The following ERI1 variants were observed in gnomAD, a reference collection of about 807,000 sequenced individuals.
ERI1 encodes exoribonuclease 1, also known as 3'-5' exoribonuclease 1.
ERI1 carries 39 observed loss-of-function variants against 39.7 expected under a neutral mutation model. The observed-to-expected ratio is 0.98, with a 90% CI of 0.76 to 1.28. ERI1 has a LOEUF of 1.28. Ranked by LOEUF, ERI1 falls within the 50% of genes most tolerant of loss-of-function variation. The pLI, the probability that ERI1 is intolerant of heterozygous loss-of-function variation, is 0.00. For missense variants in ERI1, 581 were observed against 416.9 expected (o/e 1.39, Z -3.43); for synonymous variants, 204 against 149.6 (o/e 1.36, Z -2.65).
intron 3 of ERI1, among the ~76,000 whole-genome samples, chr8:9,087,119 G>A (rs62494391): frequency 1.3e-5 from 2 of 151,910 alleles, no homozygotes; most frequent in African/African-American, 4.8e-5. Context: ...TGCCATGGTG[G>A]TTTGCTGCAC....
At chr8:9,042,449 C>T (rs1011933000) in intron 3 of ERI1, among the ~76,000 whole-genome samples, 12 of 152,158 alleles carry the variant, frequency 7.9e-5, no homozygotes, top group South Asian at 2.1e-4. Flanking sequence ...TCAACTGCTA[C>T]GCCCTCTCCC....
chr8:9,025,579 T>G (rs538679830), intron 6 of ERI1, among the ~76,000 whole-genome samples: 3 of 152,340 alleles, frequency 2.0e-5, no homozygotes, highest in Non-Finnish European at 2.9e-5. Context: ...GAGGTTGGTT[T>G]GTTCTTTGTC....
chr8:9,006,022 A>T (rs892224453), intron 1 of ERI1, among the ~76,000 whole-genome samples: 2 of 152,214 alleles, frequency 1.3e-5, no homozygotes, highest in Non-Finnish European at 2.9e-5. Context: ...TATGGTCCGT[A>T]TTATATGTGA....
intron 3 of ERI1, among the ~76,000 whole-genome samples, chr8:9,084,399 G>A (rs111975948): frequency 0.021 from 3,195 of 152,186 alleles, 46 homozygotes; most frequent in Middle Eastern, 0.058. Flanking sequence ...TTCTTTGCCC[G>A]TAGTGGAATT....
chr8:9,070,291 A>G (rs769467075), intron 3 of ERI1, among the ~76,000 whole-genome samples: 2 of 152,048 alleles, frequency 1.3e-5, no homozygotes, highest in African/African-American at 4.8e-5. Context: ...AAAAATAACA[A>G]AAATAAAAAA....
chr8:9,017,560 A>G (rs1053693666), intron 4 of ERI1, among the ~76,000 whole-genome samples: 3 of 152,186 alleles, frequency 2.0e-5, no homozygotes, highest in Non-Finnish European at 2.9e-5. Context: ...GTGGACATCT[A>G]TGAAAAGGGC....
At chr8:9,084,228 G>A (rs921456938) in intron 3 of ERI1, among the ~76,000 whole-genome samples, 2 of 152,086 alleles carry the variant, frequency 1.3e-5, no homozygotes, top group Non-Finnish European at 2.9e-5. Flanking sequence ...TGGCATTACT[G>A]CTTTCCAGCC....
chr8:9,082,791 A>G (rs1225688243), intron 3 of ERI1, among the ~76,000 whole-genome samples: 1 of 152,186 alleles, frequency 6.6e-6, no homozygotes, highest in East Asian at 1.9e-4. Flanking sequence ...AAACATAGAG[A>G]AAGTGAATGA....
intron 3 of ERI1, among the ~76,000 whole-genome samples, chr8:9,092,427 G>T (rs187830942): frequency 7.8e-4 from 118 of 152,256 alleles, no homozygotes; most frequent in Admixed American, 3.1e-3. Flanking sequence ...AGTCTGGGCT[G>T]GAATGAGCAA....
At chr8:9,021,659 C>T (rs1177417931) in intron 6 of ERI1, among the ~76,000 whole-genome samples, 1 of 151,288 alleles carries the variant, frequency 6.6e-6, no homozygotes, top group African/African-American at 2.4e-5. Flanking sequence ...TAATCATTTT[C>T]TTATTATTCC....
chr8:9,058,574 T>A (rs1358500746), intron 3 of ERI1, among the ~76,000 whole-genome samples: 1 of 152,212 alleles, frequency 6.6e-6, no homozygotes, highest in Non-Finnish European at 1.5e-5. Context: ...TCTCTACACG[T>A]TTAGAGGAAC....
chr8:9,008,420 T>C (rs980004201), intron 2 of ERI1, among the ~76,000 whole-genome samples: 4 of 152,202 alleles, frequency 2.6e-5, no homozygotes, highest in African/African-American at 9.6e-5. Flanking sequence ...AAGAGTGTTT[T>C]AAATTTTTTT....
At chr8:9,018,676 C>A (rs1325060868) in intron 5 of ERI1, among the ~76,000 whole-genome samples, 1 of 152,166 alleles carries the variant, frequency 6.6e-6, no homozygotes, top group African/African-American at 2.4e-5. Flanking sequence ...ATGACACTTC[C>A]TTACTCAAAA....
intron 1 of ERI1, among the ~76,000 whole-genome samples, chr8:9,005,551 G>C (rs911814841): frequency 7.5e-6 from 1 of 132,676 alleles, no homozygotes; most frequent in African/African-American, 2.9e-5. Flanking sequence ...GTCTCTCTCT[G>C]TTGCCCAGGC....
intron 3 of ERI1, among the ~76,000 whole-genome samples, chr8:9,041,576 C>A (rs1199519014): frequency 6.6e-6 from 1 of 152,162 alleles, no homozygotes; most frequent in South Asian, 2.1e-4. Flanking sequence ...CAACATGCTC[C>A]TGAATGATCA....
chr8:9,043,733 G>A (rs13263480), intron 3 of ERI1, among the ~76,000 whole-genome samples: 22,138 of 152,108 alleles, frequency 0.15, 1,780 homozygotes, highest in African/African-American at 0.19. Flanking sequence ...TTTTATTTTC[G>A]TTGGAGACAG....
chr8:9,085,007 C>T (rs1363182446), intron 3 of ERI1, among the ~76,000 whole-genome samples: 1 of 152,152 alleles, frequency 6.6e-6, no homozygotes, highest in Non-Finnish European at 1.5e-5. Flanking sequence ...CAACCAACAG[C>T]ATCAACATCA....
At chr8:9,020,841 C>A (rs1222790630) in intron 6 of ERI1, among the ~76,000 whole-genome samples, 1 of 152,178 alleles carries the variant, frequency 6.6e-6, no homozygotes, top group Non-Finnish European at 1.5e-5. Flanking sequence ...GAATGGCAGT[C>A]TTCTGCCATA....
intron 3 of ERI1, among the ~76,000 whole-genome samples, chr8:9,065,538 A>C (rs1798844714): frequency 6.6e-6 from 1 of 151,962 alleles, no homozygotes; most frequent in Admixed American, 6.6e-5. Flanking sequence ...TACTAAAAAT[A>C]CAAAAAATTA....
Sources: gnomAD v4.1 joint callset for allele counts (sites outside exome capture counted in the v4.1 genomes callset) on GRCh38, gnomAD v4.1.1 for gene constraint, MANE v1.5 for transcripts, NCBI Gene and HGNC (gene_info 2026-07-23, HGNC 2026-07-21) for gene names.